Variants in CCDC110 observed in about 807,000 individuals in gnomAD.
CCDC110 encodes the protein coiled-coil domain-containing protein 110.
Under a neutral mutation model 77.1 loss-of-function variants are expected in CCDC110, and 70 were observed. The observed-to-expected ratio is 0.91, with a 90% CI of 0.75 to 1.11. The LOEUF is 1.11. Among genes scored for constraint, CCDC110 ranks in the 50% least tolerant of loss-of-function variants. The probability of loss-of-function intolerance (pLI) is 0.00; values close to 1 mark genes in which losing one functional copy is unlikely to be tolerated. For missense variants in CCDC110, 868 were observed against 942.9 expected (o/e 0.92, Z 1.04); for synonymous variants, 295 against 312.5 (o/e 0.94, Z 0.59).
chr4:185,455,881 T>C (rs2095635280), intron 6 of CCDC110, among the ~76,000 whole-genome samples: 1 of 131,706 alleles, frequency 7.6e-6, no homozygotes, highest in South Asian at 2.3e-4. Context: ...TGAGACTCCA[T>C]CTCAAAAAAA....
intron 4 of CCDC110, among the ~76,000 whole-genome samples, chr4:185,462,011 T>C (rs4309881): frequency 6.6e-6 from 1 of 151,854 alleles, no homozygotes; most frequent in Non-Finnish European, 1.5e-5. Context: ...GGCAGGAGAA[T>C]TGCTTGAACC....
chr4:185,463,162 G>C (rs757347981), intron 2 of CCDC110, 113 bp from the exon 3 acceptor site: 39 of 723,456 alleles, frequency 5.4e-5, no homozygotes, highest in Non-Finnish European at 7.8e-5. Context: ...GAGATAATGA[G>C]AACTTCTGAT....
At chr4:185,465,674 G>T (rs1047462797) in intron 2 of CCDC110, among the ~76,000 whole-genome samples, 1 of 152,208 alleles carries the variant, frequency 6.6e-6, no homozygotes, top group Non-Finnish European at 1.5e-5. Context: ...AGGTCACTCT[G>T]CTACATGATA....
intron 6 of CCDC110, among the ~76,000 whole-genome samples, chr4:185,446,035 T>A (rs1302502330): frequency 6.6e-6 from 1 of 152,022 alleles, no homozygotes; most frequent in Non-Finnish European, 1.5e-5. Flanking sequence ...GAGACGGAGT[T>A]TCTCCATGTT....
intron 2 of CCDC110, among the ~76,000 whole-genome samples, chr4:185,466,387 TAAAC>T (rs1488179033): frequency 5.3e-5 from 8 of 151,682 alleles, no homozygotes; most frequent in African/African-American, 1.2e-4. Flanking sequence ...AATAAATAAA[TAAAC>T]AAACAAACAT....
At chr4:185,462,910 G>A (rs937330450) in intron 3 of CCDC110, 84 bp downstream of exon 3, 10 of 1,201,898 alleles carry the variant, frequency 8.3e-6, no homozygotes, top group African/African-American at 7.5e-5. Flanking sequence ...GAGAGAACCC[G>A]TTTGCATTTA....
chr4:185,457,923 T>C (rs1307942752), intron 6 of CCDC110: 1 of 638,060 alleles, frequency 1.6e-6, no homozygotes, highest in East Asian at 3.1e-5. Flanking sequence ...ACACATACAA[T>C]GCACATAATA....
chr4:185,454,345 T>G (rs529141757), intron 6 of CCDC110, among the ~76,000 whole-genome samples: 6 of 152,234 alleles, frequency 3.9e-5, no homozygotes, highest in Admixed American at 1.3e-4. Context: ...TATATTATCC[T>G]CCCTCCCCCA....
rs1348679925 is a variant in CCDC110 at position 185,460,363 on chromosome 4, A to G, written c.349-125T>C. The stretch of plus-strand genomic sequence containing the variant: ...CAAGCATTTTATCCATTTCTACAGC[A>G]AAGGAGCATAACAAGTATGATTTAT... On this transcript the variant is annotated intron_variant, in intron 5 of 6. Transcript: ENST00000307588. 5 of 626,686 alleles carry G rather than the reference A, an allele frequency of 8.0e-6. No homozygotes were observed. In the East Asian group the frequency reaches 1.4e-4, roughly 18 times the overall value. 38.8% of individuals were successfully genotyped at this position (626,686 alleles called of 1,614,324 possible).
chr4:185,471,709 CG>C lies in CCDC110; in HGVS notation c.-27del. ...CGCCGCGGCTCATCTCTCTCGCAAC[CG>C]CCGCCGCACGCACCCGCTCCGCCGC... is the stretch of plus-strand genomic sequence containing the variant. On this transcript the variant is annotated 5_prime_UTR_variant, in exon 1 of 7. Coordinates refer to ENST00000307588, the MANE Select transcript of CCDC110 (RefSeq NM_152775.4). 6.5e-7 allele frequency: 1 copy of C among 1,533,576 alleles called. No individual in the cohort carries two copies. The highest frequency in any genetic ancestry group is 8.7e-7 in the Non-Finnish European group (1 of 1,143,918). 95.0% of individuals were successfully genotyped at this position (1,533,576 alleles called of 1,614,324 possible).
In CCDC110 at chr4:185,471,673, C is replaced by T; in HGVS notation, c.10+1G>A. The T allele has an allele frequency of 6.4e-7, 1 of 1,557,202 alleles. No individual in the cohort carries two copies. Among genetic ancestry groups the T allele is most frequent in the South Asian group, 1.2e-5 (1 of 83,274 alleles). ...GGAGCCCCGCCCCGTCCAACTCTTA[C>T]CCGGGCTCATCGCCGCGGCTCATCT... On this transcript the variant is annotated splice_donor_variant, in intron 1 of 6. Coordinates refer to ENST00000307588, the MANE Select transcript of CCDC110 (RefSeq NM_152775.4). LOFTEE classifies it high-confidence loss of function.
rs960873441 is a variant in CCDC110, at chr4:185,462,678, C to A, written c.202G>T (p.Ala68Ser). The change falls in exon 4 of 7, where the codon GCT becomes TCT. Residue 68 changes from alanine (A) to serine (S), a missense_variant. By Grantham distance (99) the Ala-to-Ser change is moderately conservative. Coordinates refer to ENST00000307588, the MANE Select transcript of CCDC110 (RefSeq NM_152775.4). The part of the protein sequence containing the change: ...VLQQQLESFQ[A>S]LRMQTLQNVS... The stretch of plus-strand genomic sequence containing the variant: ...TTCTGCAAAGTCTGCATTCGCAAAG[C>A]CTGAAATGATTCCAACTGCTGCTGA... 1 of 1,613,996 alleles carries A rather than the reference C, an allele frequency of 6.2e-7. No homozygotes were observed. Among genetic ancestry groups the A allele is most frequent in the Non-Finnish European group, 8.5e-7 (1 of 1,179,886 alleles).
At chr4:185,452,924 C>T (rs2095631220) in intron 6 of CCDC110, among the ~76,000 whole-genome samples, 1 of 148,630 alleles carries the variant, frequency 6.7e-6, no homozygotes, top group African/African-American at 2.5e-5. Flanking sequence ...CAGGTTCAAC[C>T]TATTACTATT....
At chr4:185,453,402 A>G (rs1443328562) in intron 6 of CCDC110, among the ~76,000 whole-genome samples, 2 of 152,248 alleles carry the variant, frequency 1.3e-5, no homozygotes, top group Non-Finnish European at 2.9e-5. Flanking sequence ...TGTGCCAGAT[A>G]CCATTCCATG....
In CCDC110 at chr4:185,467,634, C is replaced by T. The variant is rs566851790; in HGVS notation, c.115+3311G>A. Among the ~76,000 whole-genome samples the T allele has an allele frequency of 3.9e-5, 6 of 152,250 alleles. No individual in the cohort carries two copies. In the East Asian group the frequency reaches 1.2e-3, roughly 29 times the overall value. ...TCATATTTCTGTCAAAAGTGAAAAA[C>T]AAGGTAGTTATCAATGGGATGACTT... On this transcript the variant is annotated intron_variant, in intron 2 of 6. Coordinates refer to ENST00000307588, the MANE Select transcript of CCDC110 (RefSeq NM_152775.4).
intron 2 of CCDC110, 145 bp downstream of exon 2, chr4:185,470,800 G>A (rs768493067): frequency 8.8e-5 from 66 of 746,298 alleles, no homozygotes; most frequent in Non-Finnish European, 1.3e-4. Flanking sequence ...GCTTAGAACA[G>A]CACTGGCACA....
intron 6 of CCDC110, chr4:185,452,357 C>CT: frequency 1.0e-6 from 1 of 985,420 alleles, no homozygotes; most frequent in African/African-American, 1.7e-5. Context: ...CTGCTTACAT[C>CT]TGTTCAAGGC....
At chr4:185,452,306 T>G in intron 6 of CCDC110, 1 of 985,432 alleles carries the variant, frequency 1.0e-6, no homozygotes, top group Non-Finnish European at 1.2e-6. Flanking sequence ...ATGGAAGAAA[T>G]AAGCTTGCTC....
chr4:185,445,304 C>CT lies in CCDC110; in HGVS notation c.*197dup. On this transcript the variant is annotated 3_prime_UTR_variant, in exon 7 of 7. Transcript: ENST00000307588. ...GTACCTGCCCTCCCTTGTAGAAGTT[C>CT]TCCCCCATCTTCTGAAATTCCCAGC... The CT allele has an allele frequency of 1.4e-6, 1 of 706,274 alleles. No individual in the cohort carries two copies. The highest frequency in any genetic ancestry group is 2.3e-6 in the Non-Finnish European group (1 of 434,910). 43.8% of individuals were successfully genotyped at this position (706,274 alleles called of 1,614,324 possible).
Sources: gnomAD v4.1 joint callset for allele counts (sites outside exome capture counted in the v4.1 genomes callset) on GRCh38, gnomAD v4.1.1 for gene constraint, MANE v1.5 for transcripts, NCBI Gene and HGNC (gene_info 2026-07-23, HGNC 2026-07-21) for gene names.